The following NISCH variants were observed in gnomAD, a reference collection of about 807,000 sequenced individuals.
NISCH encodes nischarin, also known as I-1 receptor candidate protein.
A neutral mutation model predicts 138.4 loss-of-function variants in NISCH; 55 were observed. The ratio of observed to expected loss-of-function variants is 0.40; its 90% CI spans 0.32 to 0.50. The LOEUF is 0.50. Among genes scored for constraint, NISCH ranks in the 20% least tolerant of loss-of-function variants. NISCH has a pLI of 0.71. For missense variants in NISCH, 1,643 were observed against 2,005.5 expected, an observed-to-expected ratio of 0.82 and a Z score of 3.45; for synonymous variants, 860 against 861.5, an observed-to-expected ratio of 1.00 and a Z score of 0.03.
In NISCH at chr3:52,471,786, CTT is replaced by C. The variant is rs766384465; in HGVS notation, c.410-27_410-26del. 11 of 1,613,520 alleles carry C rather than the reference CTT, an allele frequency of 6.8e-6. No individual in the cohort carries two copies. In the South Asian group the frequency reaches 1.2e-4, roughly 18 times the overall value. ...CGAGGGCTGGGGCTGCGGCTGGACA[CTT>C]ATCCTTCAGGGCATGGCTCTTGCAG... On this transcript the variant is annotated intron_variant, in intron 4 of 20. Transcript: ENST00000345716.
rs370820504 is a variant in NISCH, at chr3:52,492,419, G to A, written c.4452G>A (p.Ser1484=). 38 of 1,612,642 alleles carry A rather than the reference G, an allele frequency of 2.4e-5. No homozygotes were observed. The highest frequency in any genetic ancestry group is 1.7e-4 in the Middle Eastern group (1 of 6,060). Residue 1484 remains serine (S), a synonymous_variant, in exon 21 of 21, where the codon TCG becomes TCA. Coordinates refer to ENST00000345716, the MANE Select transcript of NISCH (RefSeq NM_007184.4). Reference sequence around the variant, plus strand: ...CTGAGAGCAGAGAGAAGCTCATCTCGCTGTTGGCTCGCCAGTGGGAGGCCC... The same window carrying A: ...CTGAGAGCAGAGAGAAGCTCATCTCACTGTTGGCTCGCCAGTGGGAGGCCC... The part of the protein sequence containing the change: ...PSAESREKLI[S]LLARQWEALC...
intron 13 of NISCH, chr3:52,481,959 C>T (rs1490375224): frequency 3.1e-6 from 3 of 975,078 alleles, no homozygotes; most frequent in Admixed American, 6.2e-5. Flanking sequence ...AAAGATCGGA[C>T]CCCTAAGGAC....
chr3:52,461,057 T>C (rs1210460868), intron 3 of NISCH, among the ~76,000 whole-genome samples: 1 of 152,120 alleles, frequency 6.6e-6, no homozygotes, highest in Admixed American at 6.5e-5. Context: ...CTGGCCAACA[T>C]AGCGAAACCC....
chr3:52,478,263 G>A lies in NISCH; in HGVS notation c.1154G>A (p.Arg385Gln), dbSNP rs574857855. The A allele has an allele frequency of 1.5e-5, 24 of 1,614,068 alleles. No individual in the cohort carries two copies. The highest frequency in any genetic ancestry group is 4.5e-5 in the East Asian group (2 of 44,884). The part of the protein sequence containing the change: ...KLYSLVNLDL[R>Q]DNRIEQMEEV... The stretch of plus-strand genomic sequence containing the variant: ...TACTCACTGGTCAACCTGGATCTCC[G>A]GGACAACAGGATCGAACAGGTGAGC... The change falls in exon 10 of 21, where the codon CGG (arginine) becomes CAG (glutamine). Residue 385 changes from arginine to glutamine, a missense_variant. Physicochemically the swap from Arg to Gln is conservative, Grantham distance 43. Transcript: ENST00000345716.
rs962088952 is a variant in NISCH at position 52,492,371 on chromosome 3, G to C, written c.4404G>C (p.Gln1468His). 3.1e-6 allele frequency: 5 copies of C among 1,613,170 alleles called. No individual in the cohort carries two copies. The African/African-American group carries it at 4.0e-5, about 13-fold the overall frequency. ...GAGCCAGCCAGGGCCGTGAAGTCCA[G>C]TGGCAGGTGTTTGTCCCCAGTGCTG... is the stretch of plus-strand genomic sequence containing the variant. ...PARASQGREV[Q>H]WQVFVPSAES... is the part of the protein sequence containing the mutation. The change falls in exon 21 of 21, where the codon CAG (glutamine) becomes CAC (histidine). Residue 1468 changes from glutamine to histidine, a missense_variant. By Grantham distance (24) the Gln-to-His change is conservative. Transcript: ENST00000345716.
rs1245726395 is a variant in NISCH, at chr3:52,478,304, T to C, written c.1173+22T>C. On this transcript the variant is annotated intron_variant, in intron 10 of 20. Transcript: ENST00000345716. ...ACAGGTGAGCCCAAGGACCTCACAG[T>C]TTTGGGATTTCTGTGCCTTGGTGTG... 3.1e-6 allele frequency: 5 copies of C among 1,610,552 alleles called. No individual in the cohort carries two copies. The African/African-American group carries it at 4.0e-5, about 13-fold the overall frequency.
chr3:52,467,419 C>T (rs1010192352), intron 3 of NISCH, among the ~76,000 whole-genome samples: 18 of 152,332 alleles, frequency 1.2e-4, no homozygotes, highest in South Asian at 4.2e-4. Context: ...CACCCCACCC[C>T]GCCTCCTCCT....
At chr3:52,469,099 T>G (rs1299245902) in intron 3 of NISCH, among the ~76,000 whole-genome samples, 1 of 152,224 alleles carries the variant, frequency 6.6e-6, no homozygotes, top group Non-Finnish European at 1.5e-5. Flanking sequence ...AAGGACACCC[T>G]GTCTCCTGTG....
rs766615000 is a variant in NISCH at position 52,491,492 on chromosome 3, G to A, written c.3883G>A (p.Glu1295Lys). Residue 1295 changes from glutamate (E) to lysine (K), a missense_variant, in exon 20 of 21, where the codon GAG becomes AAG. Physicochemically the swap from Glu to Lys is moderately conservative, Grantham distance 56. Coordinates refer to ENST00000345716, the MANE Select transcript of NISCH (RefSeq NM_007184.4). The stretch of plus-strand genomic sequence containing the variant: ...GCCTGTTGACAAGGACTTCTACTCC[G>A]AGTTTGGGAACAAGACCACAGGTAC... ...PEPVDKDFYSEFGNKTTGKME... is the reference protein window; with the variant it reads ...PEPVDKDFYSKFGNKTTGKME... 8.1e-6 allele frequency: 13 copies of A among 1,612,518 alleles called. No homozygotes were observed. The highest frequency in any genetic ancestry group is 1.7e-5 in the Admixed American group (1 of 59,922).
intron 16 of NISCH, among the ~76,000 whole-genome samples, chr3:52,489,056 G>C (rs957319232): frequency 2.0e-5 from 3 of 152,188 alleles, no homozygotes; most frequent in African/African-American, 7.2e-5. Flanking sequence ...ATCTGCCTTA[G>C]GCTTCACCCA....
Position 52,481,170 on chromosome 3 carries a change from A to G in NISCH, c.1528+875A>G, listed in dbSNP as rs1361942704. 4 of 1,207,866 alleles carry G rather than the reference A, an allele frequency of 3.3e-6. No homozygotes were observed. In the Admixed American group the frequency reaches 1.3e-4, roughly 40 times the overall value. 74.8% of individuals were successfully genotyped at this position (1,207,866 alleles called of 1,614,324 possible). On this transcript the variant is annotated intron_variant, in intron 13 of 20. Coordinates refer to ENST00000345716, the MANE Select transcript of NISCH (RefSeq NM_007184.4). ...TAAGATACCGGGAAGGGGAGGTGAA[A>G]TGCTCACCACTGCCAAAACACGGGC...
intron 1 of NISCH, among the ~76,000 whole-genome samples, chr3:52,456,996 C>T (rs1706493288): frequency 6.6e-6 from 1 of 152,228 alleles, no homozygotes; most frequent in African/African-American, 2.4e-5. Flanking sequence ...TTGGACCCTA[C>T]CATCCTCTGT....
At chr3:52,477,916 G>C in intron 9 of NISCH, 181 bp from the exon 10 acceptor site, 1 of 690,390 alleles carries the variant, frequency 1.4e-6, no homozygotes, top group South Asian at 1.8e-5. Flanking sequence ...GTCTGCAGGG[G>C]TGCCACTGTG....
At chr3:52,485,671 C>A in intron 14 of NISCH, 107 bp from the exon 15 acceptor site, 1 of 1,261,870 alleles carries the variant, frequency 7.9e-7, no homozygotes, top group Non-Finnish European at 1.1e-6. Flanking sequence ...GGAGCCTCCT[C>A]AGGGCGGTGA....
intron 3 of NISCH, among the ~76,000 whole-genome samples, chr3:52,468,013 A>C (rs1427053723): frequency 2.6e-5 from 4 of 152,190 alleles, no homozygotes. Flanking sequence ...TAATCCCAGC[A>C]CTTTGGGAGG....
intron 14 of NISCH, 32 bp from the exon 15 acceptor site, chr3:52,485,746 G>C: frequency 6.4e-7 from 1 of 1,563,532 alleles, no homozygotes; most frequent in Non-Finnish European, 8.7e-7. Context: ...GCTGCAGTAG[G>C]TGGGGACTGA....
At chr3:52,466,919 G>A (rs1023338746) in intron 3 of NISCH, among the ~76,000 whole-genome samples, 2 of 152,078 alleles carry the variant, frequency 1.3e-5, no homozygotes, top group Non-Finnish European at 2.9e-5. Context: ...CAGGTGGTGC[G>A]GCTGATCTCT....
In NISCH at chr3:52,458,610, A is replaced by G. The variant is rs1021036862; in HGVS notation, c.178-52A>G. Reference sequence around the variant, plus strand: ...CTCAAGCTTCTTGCCTTGGTCTTACATAGGCACAGAGCCTCTTAGTCTGTG... The same window carrying G: ...CTCAAGCTTCTTGCCTTGGTCTTACGTAGGCACAGAGCCTCTTAGTCTGTG... On this transcript the variant is annotated intron_variant, in intron 2 of 20. Coordinates refer to ENST00000345716, the MANE Select transcript of NISCH (RefSeq NM_007184.4). 8.6e-6 allele frequency: 13 copies of G among 1,517,920 alleles called. No individual in the cohort carries two copies. In the African/African-American group the frequency reaches 1.7e-4, roughly 19 times the overall value. The allele number at this position is 1,517,920 out of a possible 1,614,324, so 94.0% of individuals were successfully genotyped here.
Position 52,472,361 on chromosome 3 carries a change from T to C in NISCH, c.632T>C (p.Phe211Ser). The stretch of plus-strand genomic sequence containing the variant: ...AACATTCAGGAGCAGCTCCTGCCGT[T>C]CGACCTATCAATATTCAAGTCCCTG... ...TSNIQEQLLP[F>S]DLSIFKSLHQ... The change falls in exon 6 of 21, where the codon TTC becomes TCC. Residue 211 changes from phenylalanine to serine, a missense_variant. Transcript: ENST00000345716. The C allele has an allele frequency of 6.2e-7, 1 of 1,614,196 alleles. No individual in the cohort carries two copies.
Sources: gnomAD v4.1 joint callset for allele counts (sites outside exome capture counted in the v4.1 genomes callset) on GRCh38, gnomAD v4.1.1 for gene constraint, MANE v1.5 for transcripts, NCBI Gene and HGNC (gene_info 2026-07-23, HGNC 2026-07-21) for gene names.